PRDM5: variants seen among roughly 807,000 people sequenced by gnomAD.
PRDM5 encodes the protein PR domain zinc finger protein 5.
PRDM5 carries 56 observed loss-of-function variants against 81.2 expected under a neutral mutation model. The ratio of observed to expected loss-of-function variants is 0.69; its 90% confidence interval spans 0.56 to 0.86. PRDM5 has a LOEUF of 0.86. Ranked by LOEUF, PRDM5 falls within the 40% of genes least tolerant of loss-of-function variation. PRDM5 has a pLI of 0.00. For synonymous variants in PRDM5, 267 were observed against 256.4 expected, an observed-to-expected ratio of 1.04 and a Z score of -0.39; for missense variants, 697 against 770.1, an observed-to-expected ratio of 0.91 and a Z score of 1.12.
chr4:120,798,998 A>C (rs528759642), intron 9 of PRDM5, among the ~76,000 whole-genome samples: 81 of 152,360 alleles, frequency 5.3e-4, no homozygotes, highest in African/African-American at 1.9e-3. Flanking sequence ...TAAAATATTC[A>C]TATGTATCAA....
intron 14 of PRDM5, among the ~76,000 whole-genome samples, chr4:120,730,658 A>T (rs79104251): frequency 0.16 from 24,910 of 152,216 alleles, 2,563 homozygotes; most frequent in Non-Finnish European, 0.24. Flanking sequence ...GCCTATCTTT[A>T]AAACAAAGAA....
At chr4:120,860,824 A>G (rs1288624477) in intron 2 of PRDM5, among the ~76,000 whole-genome samples, 2 of 152,194 alleles carry the variant, frequency 1.3e-5, no homozygotes, top group Admixed American at 1.3e-4. Context: ...TCACCAAAGT[A>G]TTAGAAAACC....
At chr4:120,772,308 T>A (rs1747411549) in intron 13 of PRDM5, among the ~76,000 whole-genome samples, 1 of 152,238 alleles carries the variant, frequency 6.6e-6, no homozygotes, top group African/African-American at 2.4e-5. Flanking sequence ...TTTTGCTATC[T>A]GCAGGCAAGT....
intron 14 of PRDM5, among the ~76,000 whole-genome samples, chr4:120,753,239 C>G (rs1442990723): frequency 3.3e-5 from 5 of 152,294 alleles, no homozygotes; most frequent in Middle Eastern, 3.4e-3. Flanking sequence ...CTCCTAATCT[C>G]AAGCTAATTT....
chr4:120,753,005 G>A (rs973803052), intron 14 of PRDM5, among the ~76,000 whole-genome samples: 10 of 152,034 alleles, frequency 6.6e-5, no homozygotes, highest in African/African-American at 2.2e-4. Flanking sequence ...ACCTTCTTGA[G>A]AAAACCCAAA....
Position 120,864,207 on chromosome 4 carries a change from T to C in PRDM5, c.178-10667A>G, listed in dbSNP as rs1017499303. Among the ~76,000 whole-genome samples the C allele has an allele frequency of 3.3e-5, 5 of 152,212 alleles. No homozygotes were observed. The South Asian group carries it at 6.2e-4, about 19-fold the overall frequency. On this transcript the variant is annotated intron_variant, in intron 2 of 15. Transcript: ENST00000264808. The stretch of plus-strand genomic sequence containing the variant: ...AATTGTGTATGGAGGGAAAATTCTG[T>C]GAAAGGTGAAAGGACTAAATATACT...
At chr4:120,687,840 A>G (rs762924148), downstream of PRDM5, among the ~76,000 whole-genome samples, 1 of 152,210 alleles carries the variant, frequency 6.6e-6, no homozygotes, top group Admixed American at 6.5e-5. Context: ...ACCTTCCGCT[A>G]TGGAATGACA....
intron 13 of PRDM5, among the ~76,000 whole-genome samples, chr4:120,758,874 G>A (rs1340378310): frequency 6.6e-6 from 1 of 151,604 alleles, no homozygotes; most frequent in Non-Finnish European, 1.5e-5. Flanking sequence ...TCCTACCTCA[G>A]CCTCCTAAGT....
At chr4:120,856,751 A>AT (rs1449428889) in intron 2 of PRDM5, among the ~76,000 whole-genome samples, 1 of 152,210 alleles carries the variant, frequency 6.6e-6, no homozygotes, top group African/African-American at 2.4e-5. Context: ...TAAATTGAAC[A>AT]TTTTTTAAAT....
At chr4:120,907,427 G>T (rs1366388353) in intron 2 of PRDM5, 47 bp downstream of exon 2, 2 of 1,419,654 alleles carry the variant, frequency 1.4e-6, no homozygotes, top group Non-Finnish European at 2.0e-6. Context: ...GCATTAAATG[G>T]TACAATACAA....
intron 14 of PRDM5, among the ~76,000 whole-genome samples, chr4:120,743,926 G>A (rs932615439): frequency 3.0e-4 from 46 of 151,624 alleles, no homozygotes; most frequent in African/African-American, 8.0e-4. Context: ...TGCACCAAGC[G>A]GACCTAACAG....
At chr4:120,770,861 T>C (rs1747176511) in intron 13 of PRDM5, among the ~76,000 whole-genome samples, 1 of 152,130 alleles carries the variant, frequency 6.6e-6, no homozygotes, top group Admixed American at 6.5e-5. Context: ...GAAATTATTA[T>C]AAAAATTAGA....
At position 120,807,661 on chromosome 4, in the gene PRDM5, C is replaced by A. The variant is rs6534212; in HGVS notation, c.945+3709G>T. Among the ~76,000 whole-genome samples, 1,310 of 152,302 alleles carry A rather than the reference C, an allele frequency of 8.6e-3. 21 individuals carry two copies. The highest frequency in any genetic ancestry group is 0.03 in the African/African-American group (1,241 of 41,572). On this transcript the variant is annotated intron_variant, in intron 8 of 15. Transcript: ENST00000264808. ...TGACTTCAAGAATGAAGCCGCAGAC[C>A]CTCACAGTGAGTGTTACAGTTCTTA...
intron 3 of PRDM5, among the ~76,000 whole-genome samples, chr4:120,845,778 C>T (rs1490252052): frequency 6.6e-6 from 1 of 152,180 alleles, no homozygotes; most frequent in African/African-American, 2.4e-5. Flanking sequence ...CTCTGGTAGA[C>T]CTGAGCAAAG....
At chr4:120,724,075 G>T (rs913351052) in intron 14 of PRDM5, among the ~76,000 whole-genome samples, 3 of 151,726 alleles carry the variant, frequency 2.0e-5, no homozygotes, top group Non-Finnish European at 4.4e-5. Context: ...CTCTAAAAAG[G>T]TCTTTTCCTA....
intron 2 of PRDM5, among the ~76,000 whole-genome samples, chr4:120,853,757 A>G (rs1225684976): frequency 6.6e-6 from 1 of 152,226 alleles, no homozygotes; most frequent in Non-Finnish European, 1.5e-5. Flanking sequence ...CACAATTGCA[A>G]TGAACTCTCA....
chr4:120,828,552 T>C (rs1052772112), intron 3 of PRDM5, among the ~76,000 whole-genome samples: 2 of 152,154 alleles, frequency 1.3e-5, no homozygotes, highest in African/African-American at 4.8e-5. Flanking sequence ...TTAACTTCAC[T>C]AGATAAAATA....
intron 15 of PRDM5, among the ~76,000 whole-genome samples, chr4:120,709,692 A>T (rs555154414): frequency 7.7e-6 from 1 of 130,436 alleles, no homozygotes; most frequent in Non-Finnish European, 1.7e-5. Context: ...CCAATCCCGC[A>T]CAAAAGAACA....
chr4:120,858,574 CGT>C (rs1760161864), intron 2 of PRDM5, among the ~76,000 whole-genome samples: 1 of 148,970 alleles, frequency 6.7e-6, no homozygotes. Flanking sequence ...TGAACGCGTG[CGT>C]GCGCGCGCAC....
Sources: gnomAD v4.1 joint callset for allele counts (sites outside exome capture counted in the v4.1 genomes callset) on GRCh38, gnomAD v4.1.1 for gene constraint, MANE v1.5 for transcripts, NCBI Gene and HGNC (gene_info 2026-07-23, HGNC 2026-07-21) for gene names.